The following TMTC2 variants were observed in gnomAD, a reference collection of about 807,000 sequenced individuals.
The protein encoded by TMTC2 is transmembrane O-mannosyltransferase targeting cadherins 2, also known as protein O-mannosyl-transferase TMTC2.
TMTC2 carries 43 observed loss-of-function variants against 82.4 expected under a neutral mutation model. The ratio of observed to expected loss-of-function variants is 0.52; its 90% CI spans 0.41 to 0.67. The LOEUF is 0.67. Among genes scored for constraint, TMTC2 ranks in the 30% least tolerant of loss-of-function variants. TMTC2 has a pLI of 0.00. For missense variants in TMTC2, 919 were observed against 1,012.4 expected (o/e 0.91, Z 1.25); for synonymous variants, 408 against 381.9 (o/e 1.07, Z -0.80).
intron 1 of TMTC2, among the ~76,000 whole-genome samples, chr12:82,773,124 C>T (rs1877396453): frequency 6.6e-6 from 1 of 152,072 alleles, no homozygotes. Context: ...TTATATGTTG[C>T]TTTGCTGCTT....
chr12:83,041,406 A>G (rs1292294214), intron 9 of TMTC2, among the ~76,000 whole-genome samples: 2 of 152,216 alleles, frequency 1.3e-5, no homozygotes, highest in African/African-American at 4.8e-5. Context: ...ACTATGGCCT[A>G]AAGTTGTAAG....
chr12:82,784,120 A>G (rs528151263), intron 1 of TMTC2, among the ~76,000 whole-genome samples: 128 of 152,180 alleles, frequency 8.4e-4, no homozygotes, highest in Admixed American at 7.1e-3. Flanking sequence ...ACACATGTAT[A>G]CTACATATAT....
chr12:82,808,597 A>T (rs183951163), intron 1 of TMTC2, among the ~76,000 whole-genome samples: 2 of 152,204 alleles, frequency 1.3e-5, no homozygotes, highest in East Asian at 3.9e-4. Flanking sequence ...TTATTCAGAC[A>T]TATATTGGTC....
chr12:82,932,169 G>GA (rs764107056), intron 4 of TMTC2, among the ~76,000 whole-genome samples: 35 of 152,084 alleles, frequency 2.3e-4, no homozygotes, highest in African/African-American at 8.5e-4. Context: ...AAAATAAACA[G>GA]AAAAAATCTA....
At chr12:83,017,010 C>T (rs1438424840) in intron 8 of TMTC2, among the ~76,000 whole-genome samples, 1 of 152,174 alleles carries the variant, frequency 6.6e-6, no homozygotes, top group Non-Finnish European at 1.5e-5. Context: ...TTGCAGTGTG[C>T]TGTGACAACA....
chr12:82,838,697 T>C (rs1307809477), intron 1 of TMTC2, among the ~76,000 whole-genome samples: 2 of 152,172 alleles, frequency 1.3e-5, no homozygotes, highest in African/African-American at 4.8e-5. Flanking sequence ...GAGTGGGAAG[T>C]AAAAACACAT....
At chr12:82,881,808 CAA>C (rs1385304436) in intron 2 of TMTC2, among the ~76,000 whole-genome samples, 4 of 152,092 alleles carry the variant, frequency 2.6e-5, no homozygotes, top group African/African-American at 7.2e-5. Flanking sequence ...GTGCTTTCAG[CAA>C]AGTTATTCCA....
intron 1 of TMTC2, among the ~76,000 whole-genome samples, chr12:82,825,878 A>ACT (rs1301567456): frequency 6.6e-6 from 1 of 151,814 alleles, no homozygotes; most frequent in African/African-American, 2.4e-5. Context: ...ACACACACAC[A>ACT]CTCTCACACA....
At chr12:82,700,958 C>T (rs1873048102) in intron 1 of TMTC2, among the ~76,000 whole-genome samples, 1 of 152,032 alleles carries the variant, frequency 6.6e-6, no homozygotes, top group Non-Finnish European at 1.5e-5. Flanking sequence ...AGGGGAGCTA[C>T]CCTTTATAAA....
At chr12:82,688,657 T>C (rs909290699) in intron 1 of TMTC2, among the ~76,000 whole-genome samples, 3 of 152,238 alleles carry the variant, frequency 2.0e-5, no homozygotes, top group African/African-American at 4.8e-5. Context: ...GCTAAACTTA[T>C]TAACCGTCCT....
intron 1 of TMTC2, among the ~76,000 whole-genome samples, chr12:82,783,406 TA>T (rs1285997047): frequency 1.3e-5 from 2 of 151,868 alleles, no homozygotes; most frequent in Non-Finnish European, 2.9e-5. Context: ...CCTTCTCATA[TA>T]AAAAGGGGTT....
intron 11 of TMTC2, among the ~76,000 whole-genome samples, chr12:83,114,486 A>T (rs1592501979): frequency 1.3e-5 from 2 of 152,180 alleles, no homozygotes; most frequent in South Asian, 4.1e-4. Flanking sequence ...TGACTGGGAA[A>T]CCATCTTTAG....
chr12:82,950,006 G>T (rs1377055355), intron 4 of TMTC2, among the ~76,000 whole-genome samples: 4 of 152,196 alleles, frequency 2.6e-5, no homozygotes, highest in Admixed American at 2.6e-4. Context: ...AATAAGAAAA[G>T]AAGAGAAATT....
intron 1 of TMTC2, chr12:82,690,444 A>C: frequency 1.0e-6 from 1 of 971,638 alleles, no homozygotes; most frequent in Non-Finnish European, 1.2e-6. Flanking sequence ...CAAGGTTATC[A>C]TTTCTTTTAA....
At chr12:83,009,983 C>G (rs1366530484) in intron 8 of TMTC2, among the ~76,000 whole-genome samples, 1 of 152,124 alleles carries the variant, frequency 6.6e-6, no homozygotes, top group African/African-American at 2.4e-5. Flanking sequence ...GGAGATGGAG[C>G]TCAAGTAGTA....
At chr12:82,814,436 T>C (rs1016831649) in intron 1 of TMTC2, among the ~76,000 whole-genome samples, 1 of 152,032 alleles carries the variant, frequency 6.6e-6, no homozygotes, top group African/African-American at 2.4e-5. Context: ...GAATACAAGA[T>C]AGGAAAAAGA....
rs1167395010 is a variant in TMTC2 at position 82,686,933 on chromosome 12, T to A, written c.-654T>A. The A allele has an allele frequency of 1.3e-5, 2 of 152,752 alleles. No individual in the cohort carries two copies. Among genetic ancestry groups the A allele is most frequent in the Admixed American group, 6.5e-5 (1 of 15,286 alleles). The allele number at this position is 152,752 out of a possible 1,614,324, so 9.5% of individuals were successfully genotyped here. ...GAACCCCACGCGGGAGCTTCTGGAG[T>A]CTCCAGCCACCGCTTCTCACTTCAC... On this transcript the variant is annotated 5_prime_UTR_variant, in exon 1 of 12. Coordinates refer to ENST00000321196, the MANE Select transcript of TMTC2 (RefSeq NM_152588.3).
At chr12:82,989,676 A>T (rs1879319091) in intron 8 of TMTC2, among the ~76,000 whole-genome samples, 1 of 151,838 alleles carries the variant, frequency 6.6e-6, no homozygotes, top group Non-Finnish European at 1.5e-5. Context: ...TTTCTAAAAA[A>T]ATTTTTCAAG....
At chr12:82,795,311 CA>C (rs35485888) in intron 1 of TMTC2, among the ~76,000 whole-genome samples, 22,482 of 94,710 alleles carry the variant, frequency 0.24, 1,346 homozygotes, top group East Asian at 0.36. Context: ...GATTCCATCT[CA>C]AAAAAAAAAA....
Sources: allele counts gnomAD v4.1 joint callset (sites outside exome capture counted in the v4.1 genomes callset), GRCh38; gene constraint gnomAD v4.1.1; transcripts MANE v1.5; gene names NCBI Gene and HGNC (gene_info 2026-07-23, HGNC 2026-07-21).